FLT3: variants seen among roughly 807,000 people sequenced by gnomAD.
FLT3 encodes receptor-type tyrosine-protein kinase FLT3.
A neutral mutation model predicts 126.6 loss-of-function variants in FLT3; 46 were observed. That is an observed-to-expected ratio of 0.36 (90% confidence interval 0.29 to 0.46). FLT3 has a LOEUF of 0.46. Ranked by LOEUF, FLT3 falls within the 20% of genes least tolerant of loss-of-function variation. FLT3 has a pLI of 1.00. For synonymous variants in FLT3, 404 were observed against 434.4 expected (o/e 0.93, Z 0.87); for missense variants, 1,069 against 1,190.3 (o/e 0.90, Z 1.50).
chr13:28,057,250 A>G (rs1876095619), intron 4 of FLT3, 97 bp downstream of exon 4: 1 of 707,728 alleles, frequency 1.4e-6, no homozygotes, highest in Admixed American at 2.3e-5. Context: ...AAACCTGAAT[A>G]TGTCTAGAGG....
At chr13:28,078,880 A>G (rs1878136464) in intron 1 of FLT3, among the ~76,000 whole-genome samples, 1 of 151,766 alleles carries the variant, frequency 6.6e-6, no homozygotes, top group African/African-American at 2.4e-5. Flanking sequence ...TGCCCAGATA[A>G]TTTTTGTATT....
rs1555261693 is a variant in FLT3, at chr13:28,077,097, A to AG, written c.44-6486_44-6485insC. Among the ~76,000 whole-genome samples, 10 of 150,184 alleles carry AG rather than the reference A, an allele frequency of 6.7e-5. No individual in the cohort carries two copies. In the East Asian group the frequency reaches 1.6e-3, roughly 24 times the overall value. ...AAAGAAAGAAAGAAAGAAAAAGAGA[A>AG]AAAGAAAGAGAGAGAGAAAGAAAGA... is the stretch of plus-strand genomic sequence containing the variant. On this transcript the variant is annotated intron_variant, in intron 1 of 23. Coordinates refer to ENST00000241453, the MANE Select transcript of FLT3 (RefSeq NM_004119.3).
Position 28,050,627 on chromosome 13 carries a change from C to T in FLT3, c.615-405G>A, listed in dbSNP as rs181380695. Among the ~76,000 whole-genome samples, 455 of 152,146 alleles carry T rather than the reference C, an allele frequency of 3.0e-3. 1 individual carries two copies. Among genetic ancestry groups the T allele is most frequent in the Non-Finnish European group, 4.9e-3 (333 of 67,994 alleles). On this transcript the variant is annotated intron_variant, in intron 5 of 23. Transcript: ENST00000241453. ...TAGCAAGGTAAGCATCCTTTTGGGA[C>T]GCAGTAAGGGAGGGGGAAGCTAAAG...
intron 9 of FLT3, among the ~76,000 whole-genome samples, chr13:28,040,805 T>TG (rs1235171515): frequency 6.6e-6 from 1 of 150,700 alleles, no homozygotes; most frequent in Non-Finnish European, 1.5e-5. Context: ...GAGATCGGCC[T>TG]GGGCAACATG....
chr13:28,005,190 A>G (rs1457618534), intron 23 of FLT3, among the ~76,000 whole-genome samples: 2 of 152,138 alleles, frequency 1.3e-5, no homozygotes, highest in Non-Finnish European at 2.9e-5. Flanking sequence ...CTAGCCGGGC[A>G]TGGCGGCGCG....
chr13:28,027,124 C>T lies in FLT3; in HGVS notation c.2171G>A (p.Ser724Asn). The T allele has an allele frequency of 6.2e-7, 1 of 1,613,820 alleles. No homozygotes were observed. The highest frequency in any genetic ancestry group is 8.5e-7 in the Non-Finnish European group (1 of 1,179,912). Residue 724 changes from serine to asparagine, a missense_variant, in exon 17 of 24, where the codon AGT becomes AAT. Ser to Asn is a conservative substitution (Grantham distance 46, BLOSUM62 1). Transcript: ENST00000241453. Reference sequence around the variant, plus strand: ...ATGTGATTGGAAAGTGGGGTAAAAACTGAAATTGTGTTCCTTGAAAATCTC... The same window carrying T: ...ATGTGATTGGAAAGTGGGGTAAAAATTGAAATTGTGTTCCTTGAAAATCTC... ...WTEIFKEHNF[S>N]FYPTFQSHPN...
rs773932256 is a variant in FLT3 at position 28,035,609 on chromosome 13, A to T, written c.1483T>A (p.Trp495Arg). Residue 495 changes from tryptophan (W) to arginine (R), a missense_variant, in exon 12 of 24, where the codon TGG becomes AGG. Transcript: ENST00000241453. ...ATGTTTAGAGTACTGCTCGACACCC[A>T]CTGTCCAAACACTTTTCTGTTAGCC... Reference protein sequence around the residue: ...RKANRKVFGQWVSSSTLNMSE... With the variant: ...RKANRKVFGQRVSSSTLNMSE... The T allele has an allele frequency of 1.2e-6, 2 of 1,613,958 alleles. No homozygotes were observed. Among genetic ancestry groups the T allele is most frequent in the East Asian group, 4.5e-5 (2 of 44,888 alleles).
At chr13:28,094,732 C>G (rs1396260224) in intron 1 of FLT3, among the ~76,000 whole-genome samples, 1 of 152,164 alleles carries the variant, frequency 6.6e-6, no homozygotes, top group Non-Finnish European at 1.5e-5. Flanking sequence ...AACTCCTGGG[C>G]TCCAGTGATC....
intron 20 of FLT3, among the ~76,000 whole-genome samples, chr13:28,017,284 G>A (rs1017133019): frequency 2.3e-4 from 35 of 152,022 alleles, no homozygotes; most frequent in Admixed American, 4.6e-4. Context: ...GTGCAGTGGC[G>A]TGATCACAGC....
rs62636526 is a variant in FLT3, at chr13:28,070,610, C to G, written c.46G>C (p.Val16Leu). 4.1e-4 allele frequency: 657 copies of G among 1,596,374 alleles called. 4 individuals carry two copies. The African/African-American group carries it at 8.1e-3, about 20-fold the overall frequency. ...RDGGQLPLLV[V>L]FSAMIFGTIT... ...GTCCCAAATATCATTGCAGAAAAAA[C>G]AACTGTAAAACAAAATAAAAATGAT... The change falls in exon 2 of 24, where the codon GTT becomes CTT. Residue 16 changes from valine (V) to leucine (L), a missense_variant and splice_region_variant. Physicochemically the swap from Val to Leu is conservative, Grantham distance 32. Coordinates refer to ENST00000241453, the MANE Select transcript of FLT3 (RefSeq NM_004119.3).
intron 9 of FLT3, among the ~76,000 whole-genome samples, chr13:28,039,273 C>T (rs1393237381): frequency 6.6e-6 from 1 of 152,110 alleles, no homozygotes; most frequent in Non-Finnish European, 1.5e-5. Context: ...ACTATCTCGG[C>T]TTATTGCAAC....
chr13:28,075,411 T>C (rs1877859867), intron 1 of FLT3, among the ~76,000 whole-genome samples: 1 of 152,142 alleles, frequency 6.6e-6, no homozygotes, highest in Admixed American at 6.5e-5. Flanking sequence ...ATGTAAAATA[T>C]TATGTATCAA....
At position 28,091,250 on chromosome 13, in the gene FLT3, C is replaced by T. The variant is rs1414739558; in HGVS notation, c.43+9218G>A. Among the ~76,000 whole-genome samples the T allele has an allele frequency of 2.6e-4, 25 of 96,410 alleles. No homozygotes were observed. In the Admixed American group the frequency reaches 4.1e-3, roughly 16 times the overall value. The allele number at this position is 96,410 out of a possible 152,430, so 63.2% of individuals were successfully genotyped here. A position where few individuals can be genotyped will look rare whatever the true frequency, so the allele number is the denominator to read the frequency against. ...TTTTTTTTTTTTTTTGAGACGGAGT[C>T]TCGCTCTGTCGCCCAGGCTGGAGTG... On this transcript the variant is annotated intron_variant, in intron 1 of 23. Coordinates refer to ENST00000241453, the MANE Select transcript of FLT3 (RefSeq NM_004119.3).
intron 1 of FLT3, among the ~76,000 whole-genome samples, chr13:28,071,679 G>C (rs1299083324): frequency 6.6e-6 from 1 of 152,008 alleles, no homozygotes; most frequent in Non-Finnish European, 1.5e-5. Context: ...CTCACCGGTT[G>C]GTCCGACTCC....
At chr13:28,042,146 A>AAATAATAATAAT (rs57260336) in intron 9 of FLT3, among the ~76,000 whole-genome samples, 15 of 134,744 alleles carry the variant, frequency 1.1e-4, no homozygotes, top group East Asian at 2.2e-4. Flanking sequence ...CCTCCATCCG[A>AAATAATAATAAT]AATAATAATA....
chr13:28,053,468 G>A lies in FLT3; in HGVS notation c.485-794C>T, dbSNP rs942527486. Reference sequence around the variant, plus strand: ...AAGCATAACAACAACAAATACCCACGGAGCCACTATCCACCTAATAACTAG... The same window carrying A: ...AAGCATAACAACAACAAATACCCACAGAGCCACTATCCACCTAATAACTAG... On this transcript the variant is annotated intron_variant, in intron 4 of 23. Transcript: ENST00000241453. Among the ~76,000 whole-genome samples, 27 of 146,258 alleles carry A rather than the reference G, an allele frequency of 1.8e-4. 1 individual carries two copies. The East Asian group carries it at 2.5e-3, about 14-fold the overall frequency.
intron 1 of FLT3, among the ~76,000 whole-genome samples, chr13:28,092,508 A>G (rs1045365661): frequency 5.3e-5 from 8 of 152,076 alleles, no homozygotes; most frequent in African/African-American, 1.9e-4. Flanking sequence ...CTGGGCTTAC[A>G]GGTGCACACC....
rs536807406 is a variant in FLT3, at chr13:28,004,305, G to A, written c.2860-131C>T. On this transcript the variant is annotated intron_variant, in intron 23 of 23. Transcript: ENST00000241453. ...ACAATTACTTTTTTGTTTGTTTGTTGTTTGTTTGTTTATTTTTTGAGACAG... is the reference window on the plus strand; with the variant it reads ...ACAATTACTTTTTTGTTTGTTTGTTATTTGTTTGTTTATTTTTTGAGACAG... 1.3e-5 allele frequency: 13 copies of A among 1,007,200 alleles called. No individual in the cohort carries two copies. In the South Asian group the frequency reaches 2.1e-4, roughly 16 times the overall value. 62.4% of individuals were successfully genotyped at this position (1,007,200 alleles called of 1,614,324 possible). A position where few individuals can be genotyped will look rare whatever the true frequency, so the allele number is the denominator to read the frequency against.
intron 9 of FLT3, among the ~76,000 whole-genome samples, chr13:28,040,013 T>C (rs893049107): frequency 2.0e-5 from 3 of 152,182 alleles, no homozygotes; most frequent in Non-Finnish European, 4.4e-5. Context: ...GTGTTTTATA[T>C]GCACCTGCTG....
Sources: gnomAD v4.1 joint callset for allele counts (sites outside exome capture counted in the v4.1 genomes callset) on GRCh38, gnomAD v4.1.1 for gene constraint, MANE v1.5 for transcripts, NCBI Gene and HGNC (gene_info 2026-07-23, HGNC 2026-07-21) for gene names.